The following CCDC150 variants were observed in gnomAD, a reference collection of about 807,000 sequenced individuals.
CCDC150 encodes coiled-coil domain-containing protein 150.
In CCDC150, 151 loss-of-function variants were observed where a neutral mutation model predicts 156.5. The ratio of observed to expected loss-of-function variants is 0.97; its 90% CI spans 0.85 to 1.10. The LOEUF (loss-of-function observed/expected upper bound fraction) is 1.10, where lower values mean the gene tolerates loss of function less well. Among genes scored for constraint, CCDC150 ranks in the 50% least tolerant of loss-of-function variants. The probability of loss-of-function intolerance (pLI) is 0.00; values close to 1 mark genes in which losing one functional copy is unlikely to be tolerated. For missense variants in CCDC150, 1,312 were observed against 1,268.1 expected, an observed-to-expected ratio of 1.03 and a Z score of -0.53; for synonymous variants, 452 against 429.4, an observed-to-expected ratio of 1.05 and a Z score of -0.65.
chr2:196,673,695 T>C (rs963180102), intron 9 of CCDC150, among the ~76,000 whole-genome samples: 1 of 152,166 alleles, frequency 6.6e-6, no homozygotes, highest in Non-Finnish European at 1.5e-5. Flanking sequence ...AATACAAATT[T>C]CAAATTATGA....
At chr2:196,698,095 C>G (rs1403519708) in intron 14 of CCDC150, among the ~76,000 whole-genome samples, 1 of 152,188 alleles carries the variant, frequency 6.6e-6, no homozygotes, top group Non-Finnish European at 1.5e-5. Flanking sequence ...GTTCACTCTT[C>G]TGTAACTCAA....
intron 8 of CCDC150, among the ~76,000 whole-genome samples, chr2:196,670,338 C>T (rs1220142984): frequency 6.6e-6 from 1 of 151,812 alleles, no homozygotes; most frequent in African/African-American, 2.4e-5. Flanking sequence ...GTTGATGTGT[C>T]GATTCTACTT....
intron 5 of CCDC150, 89 bp from the exon 6 acceptor site, chr2:196,665,478 G>C: frequency 1.6e-6 from 1 of 642,878 alleles, no homozygotes; most frequent in South Asian, 2.2e-5. Flanking sequence ...GGGTGAGATG[G>C]CATGTCTGAT....
chr2:196,673,019 T>C (rs1694295063), intron 9 of CCDC150, among the ~76,000 whole-genome samples: 2 of 152,196 alleles, frequency 1.3e-5, no homozygotes, highest in African/African-American at 4.8e-5. Context: ...CTTGGTACAA[T>C]TTGATTGTCT....
chr2:196,659,131 G>A (rs372980974), intron 5 of CCDC150, among the ~76,000 whole-genome samples: 38 of 152,226 alleles, frequency 2.5e-4, no homozygotes, highest in East Asian at 2.1e-3. Flanking sequence ...GTGGCTGCCC[G>A]TACACCATAG....
chr2:196,645,110 C>A (rs1390447549), intron 1 of CCDC150, among the ~76,000 whole-genome samples: 1 of 151,952 alleles, frequency 6.6e-6, no homozygotes, highest in East Asian at 1.9e-4. Flanking sequence ...GGTGACAGAG[C>A]AAGACTCTGC....
In CCDC150 at chr2:196,729,823, C is replaced by A. The variant is rs1337915952; in HGVS notation, c.2782C>A (p.Leu928Ile). The change falls in exon 24 of 28, where the codon CTA becomes ATA. Residue 928 changes from leucine to isoleucine, a missense_variant. Leu to Ile is a conservative substitution (Grantham distance 5, BLOSUM62 2). Coordinates refer to ENST00000389175, the MANE Select transcript of CCDC150 (RefSeq NM_001080539.2). Reference protein sequence around the residue: ...QIEKELKQMELIKDQYQKKNY... With the variant: ...QIEKELKQMEIIKDQYQKKNY... The stretch of plus-strand genomic sequence containing the variant: ...AGAAAAAGAATTGAAGCAAATGGAG[C>A]TAATTAAGGATCAATATCAGAAAAA... 1 of 1,589,570 alleles carries A rather than the reference C, an allele frequency of 6.3e-7. No individual in the cohort carries two copies. The highest frequency in any genetic ancestry group is 8.6e-7 in the Non-Finnish European group (1 of 1,161,934).
At chr2:196,642,788 G>A (rs1692311205) in intron 1 of CCDC150, among the ~76,000 whole-genome samples, 1 of 152,122 alleles carries the variant, frequency 6.6e-6, no homozygotes, top group South Asian at 2.1e-4. Flanking sequence ...CACCCAGGCT[G>A]GGGTGCAGTG....
At chr2:196,702,385 G>A (rs892821028) in intron 15 of CCDC150, among the ~76,000 whole-genome samples, 3 of 149,592 alleles carry the variant, frequency 2.0e-5, no homozygotes, top group Non-Finnish European at 4.4e-5. Flanking sequence ...GTGAGATGAG[G>A]TCTCACTCTC....
At chr2:196,700,625 A>G (rs145726715) in intron 14 of CCDC150, among the ~76,000 whole-genome samples, 122 of 152,362 alleles carry the variant, frequency 8.0e-4, no homozygotes, top group Middle Eastern at 3.4e-3. Flanking sequence ...TATTTGATCA[A>G]ACAATGAGTT....
Position 196,656,863 on chromosome 2 carries a change from T to C in CCDC150, c.397+10T>C, listed in dbSNP as rs1353466469. The C allele has an allele frequency of 6.2e-7, 1 of 1,613,018 alleles. No homozygotes were observed. Among genetic ancestry groups the C allele is most frequent in the Non-Finnish European group, 8.5e-7 (1 of 1,179,222 alleles). On this transcript the variant is annotated intron_variant, in intron 3 of 27. Coordinates refer to ENST00000389175, the MANE Select transcript of CCDC150 (RefSeq NM_001080539.2). ...AATCCTCAGAAAACAGGTATAGAGA[T>C]AAGAATCATCAGAAATGTGGTCCTG...
intron 7 of CCDC150, chr2:196,667,241 G>A (rs1336076170): frequency 4.4e-6 from 1 of 229,288 alleles, no homozygotes; most frequent in African/African-American, 2.3e-5. Context: ...AGTTCATCAT[G>A]TCAGATTCTC....
At chr2:196,642,556 G>A (rs920172779) in intron 1 of CCDC150, among the ~76,000 whole-genome samples, 1 of 152,080 alleles carries the variant, frequency 6.6e-6, no homozygotes, top group African/African-American at 2.4e-5. Flanking sequence ...CCAGATACTC[G>A]GGGACTCTGC....
Position 196,720,503 on chromosome 2 carries a change from G to A in CCDC150, c.2166-72G>A. 14 of 1,250,096 alleles carry A rather than the reference G, an allele frequency of 1.1e-5. No homozygotes were observed. In the South Asian group the frequency reaches 1.7e-4, roughly 15 times the overall value. The allele number at this position is 1,250,096 out of a possible 1,614,324, so 77.4% of individuals were successfully genotyped here. A position where few individuals can be genotyped will look rare whatever the true frequency, so the allele number is the denominator to read the frequency against. On this transcript the variant is annotated intron_variant, in intron 19 of 27. Coordinates refer to ENST00000389175, the MANE Select transcript of CCDC150 (RefSeq NM_001080539.2). ...GAGCTTCTTAGAAGAAAAGTGTTCT[G>A]TAACTCCCAAATGGTATCATTCCTA...
chr2:196,675,079 A>G (rs904763841), intron 10 of CCDC150, among the ~76,000 whole-genome samples: 4 of 152,144 alleles, frequency 2.6e-5, no homozygotes, highest in Non-Finnish European at 5.9e-5. Context: ...GTCAATGTAT[A>G]TAATCATTAT....
chr2:196,719,914 C>T (rs762805102), intron 19 of CCDC150: 32 of 336,832 alleles, frequency 9.5e-5, no homozygotes, highest in Non-Finnish European at 1.4e-4. Flanking sequence ...CCTAGAAATT[C>T]ACTAGCTGTA....
chr2:196,702,103 G>A (rs919907834), intron 15 of CCDC150, among the ~76,000 whole-genome samples: 6 of 152,040 alleles, frequency 3.9e-5, no homozygotes, highest in African/African-American at 1.5e-4. Context: ...AAGTGTGATG[G>A]CAAGCGCCTG....
At chr2:196,676,094 C>G (rs1439495807) in intron 10 of CCDC150, 49 bp from the exon 11 acceptor site, 1 of 1,600,726 alleles carries the variant, frequency 6.2e-7, no homozygotes, top group Non-Finnish European at 8.5e-7. Context: ...GACACCCTAT[C>G]AAAAGACTTT....
chr2:196,697,137 T>C (rs1476729288), intron 14 of CCDC150, among the ~76,000 whole-genome samples: 1 of 152,228 alleles, frequency 6.6e-6, no homozygotes, highest in Non-Finnish European at 1.5e-5. Flanking sequence ...TATATTCCCT[T>C]GCCTAGCATA....
Sources: allele counts gnomAD v4.1 joint callset (sites outside exome capture counted in the v4.1 genomes callset), GRCh38; gene constraint gnomAD v4.1.1; transcripts MANE v1.5; gene names NCBI Gene and HGNC (gene_info 2026-07-23, HGNC 2026-07-21).